GLCCI1: variants seen among roughly 807,000 people sequenced by gnomAD.
The protein encoded by GLCCI1 is glucocorticoid-induced transcript 1 protein.
A neutral mutation model predicts 52.2 loss-of-function variants in GLCCI1; 24 were observed. The observed-to-expected ratio is 0.46, with a 90% confidence interval of 0.33 to 0.65. GLCCI1 has a LOEUF of 0.65. Ranked by LOEUF, GLCCI1 falls within the 30% of genes least tolerant of loss-of-function variation. The probability of loss-of-function intolerance (pLI) is 0.02; values close to 1 mark genes in which losing one functional copy is unlikely to be tolerated. For missense variants in GLCCI1, 704 were observed against 701.5 expected, an observed-to-expected ratio of 1.00 and a Z score of -0.04; for synonymous variants, 310 against 276.5, an observed-to-expected ratio of 1.12 and a Z score of -1.20.
intron 1 of GLCCI1, among the ~76,000 whole-genome samples, chr7:7,997,970 TAAATAAAG>T (rs1244658624): frequency 8.9e-6 from 1 of 112,192 alleles, no homozygotes; most frequent in Non-Finnish European, 2.0e-5. Flanking sequence ...AATAAATAAA[TAAATAAAG>T]TAGCTGTAGA....
Position 7,978,348 on chromosome 7 carries a change from A to T in GLCCI1, c.457+8541A>T, listed in dbSNP as rs184675165. Reference sequence around the variant, plus strand: ...GATTCTCTACATTTATCATCCTTTGATATTTTAGCAACATTTAACATAGTA... The same window carrying T: ...GATTCTCTACATTTATCATCCTTTGTTATTTTAGCAACATTTAACATAGTA... On this transcript the variant is annotated intron_variant, in intron 1 of 7. Transcript: ENST00000223145. Among the ~76,000 whole-genome samples, 4 of 152,288 alleles carry T rather than the reference A, an allele frequency of 2.6e-5. 1 individual carries two copies. Among genetic ancestry groups the T allele is most frequent in the African/African-American group, 9.6e-5 (4 of 41,546 alleles).
chr7:8,078,381 T>C (rs1332636619), intron 6 of GLCCI1, among the ~76,000 whole-genome samples: 1 of 152,114 alleles, frequency 6.6e-6, no homozygotes, highest in Non-Finnish European at 1.5e-5. Context: ...GAGGGCAAGA[T>C]AAGTAGCCAT....
At chr7:8,055,290 A>G (rs1486821275) in intron 3 of GLCCI1, 143 bp from the exon 4 acceptor site, 3 of 472,530 alleles carry the variant, frequency 6.3e-6, no homozygotes, top group Non-Finnish European at 1.1e-5. Context: ...AAAACTTGCA[A>G]GAGTAAATCA....
At chr7:7,981,871 A>C in intron 1 of GLCCI1, 1 of 454,168 alleles carries the variant, frequency 2.2e-6, no homozygotes, top group Non-Finnish European at 4.4e-6. Flanking sequence ...CAGGCAGAAG[A>C]CTCCAAGTCA....
intron 3 of GLCCI1, among the ~76,000 whole-genome samples, chr7:8,052,646 T>C (rs1374222588): frequency 6.6e-6 from 1 of 152,232 alleles, no homozygotes; most frequent in Non-Finnish European, 1.5e-5. Flanking sequence ...TCCCACATTG[T>C]CCTAACATTA....
chr7:8,060,511 C>G (rs927492488), intron 5 of GLCCI1, among the ~76,000 whole-genome samples: 2 of 152,206 alleles, frequency 1.3e-5, no homozygotes, highest in African/African-American at 4.8e-5. Flanking sequence ...ACTCTTGGCC[C>G]TAGGCGGTCA....
chr7:8,044,031 G>A (rs1176648324), intron 3 of GLCCI1, among the ~76,000 whole-genome samples: 2 of 150,408 alleles, frequency 1.3e-5, no homozygotes, highest in Admixed American at 6.6e-5. Context: ...TGCAAGCTCC[G>A]CCTCCCGGGT....
At chr7:8,080,817 T>G (rs1017547563) in intron 6 of GLCCI1, among the ~76,000 whole-genome samples, 2 of 151,562 alleles carry the variant, frequency 1.3e-5, no homozygotes, top group African/African-American at 4.8e-5. Context: ...CTAATCCTTT[T>G]TTTGTTTGTT....
chr7:8,074,433 C>T (rs1782830872), intron 6 of GLCCI1, among the ~76,000 whole-genome samples: 1 of 152,060 alleles, frequency 6.6e-6, no homozygotes, highest in African/African-American at 2.4e-5. Context: ...TCTGTGATCC[C>T]AGCATTTTGG....
chr7:8,080,027 G>A (rs981554985), intron 6 of GLCCI1, among the ~76,000 whole-genome samples: 2 of 151,384 alleles, frequency 1.3e-5, no homozygotes, highest in Non-Finnish European at 2.9e-5. Context: ...AAAGCCAAAT[G>A]TTCTCCTTAC....
chr7:8,020,863 T>G (rs1418484767), intron 2 of GLCCI1, among the ~76,000 whole-genome samples: 1 of 152,194 alleles, frequency 6.6e-6, no homozygotes, highest in Non-Finnish European at 1.5e-5. Context: ...AATTCATTAT[T>G]AAGGATACAA....
intron 1 of GLCCI1, among the ~76,000 whole-genome samples, chr7:8,002,738 A>C (rs977900681): frequency 6.6e-6 from 1 of 152,224 alleles, no homozygotes; most frequent in African/African-American, 2.4e-5. Context: ...GGGAACCTGT[A>C]AATCTGTTGG....
intron 4 of GLCCI1, among the ~76,000 whole-genome samples, chr7:8,058,296 G>A (rs1490766949): frequency 6.6e-6 from 1 of 152,108 alleles, no homozygotes; most frequent in Non-Finnish European, 1.5e-5. Context: ...TAATAGATGG[G>A]AAGATTCAGT....
Position 8,085,111 on chromosome 7 carries a change from A to G in GLCCI1, c.1298+94A>G, listed in dbSNP as rs1783076059. On this transcript the variant is annotated intron_variant, in intron 7 of 7. Coordinates refer to ENST00000223145, the MANE Select transcript of GLCCI1 (RefSeq NM_138426.4). ...TACATATGAATCAACTACTCTATCC[A>G]GCTGATAATGTGTTTCAAGAGCAAA... The G allele has an allele frequency of 2.8e-6, 4 of 1,405,964 alleles. No individual in the cohort carries two copies. In the East Asian group the frequency reaches 9.2e-5, roughly 32 times the overall value. The allele number at this position is 1,405,964 out of a possible 1,614,324, so 87.1% of individuals were successfully genotyped here. A position where few individuals can be genotyped will look rare whatever the true frequency, so the allele number is the denominator to read the frequency against.
intron 3 of GLCCI1, among the ~76,000 whole-genome samples, chr7:8,032,163 A>G (rs565462568): frequency 6.6e-6 from 1 of 152,062 alleles, no homozygotes; most frequent in African/African-American, 2.4e-5. Flanking sequence ...ATATTTGACA[A>G]TTAAGGAACA....
intron 5 of GLCCI1, 119 bp from the exon 6 acceptor site, chr7:8,070,802 T>G (rs2127964509): frequency 1.2e-6 from 1 of 825,152 alleles, no homozygotes; most frequent in African/African-American, 1.7e-5. Flanking sequence ...TCTTTAGCCT[T>G]TGAAGAATAA....
chr7:8,039,182 A>G (rs920860508), intron 3 of GLCCI1, among the ~76,000 whole-genome samples: 1 of 152,186 alleles, frequency 6.6e-6, no homozygotes, highest in African/African-American at 2.4e-5. Context: ...CTCTATGCAA[A>G]AATATGGAGA....
At chr7:8,037,367 A>G (rs1341082114) in intron 3 of GLCCI1, among the ~76,000 whole-genome samples, 1 of 152,192 alleles carries the variant, frequency 6.6e-6, no homozygotes, top group Non-Finnish European at 1.5e-5. Context: ...TCACCACTAG[A>G]CTGGTCCTAC....
intron 1 of GLCCI1, among the ~76,000 whole-genome samples, chr7:7,978,450 C>T (rs1191275886): frequency 6.6e-6 from 1 of 152,068 alleles, no homozygotes; most frequent in African/African-American, 2.4e-5. Flanking sequence ...TTGGCTCTTT[C>T]ACTTCTTTTA....
Sources: gnomAD v4.1 joint callset for allele counts (sites outside exome capture counted in the v4.1 genomes callset) on GRCh38, gnomAD v4.1.1 for gene constraint, MANE v1.5 for transcripts, NCBI Gene and HGNC (gene_info 2026-07-23, HGNC 2026-07-21) for gene names.